Variants in WDR49 observed in about 807,000 individuals in gnomAD.
The protein encoded by WDR49 is cilia- and flagella-associated protein 337.
WDR49 carries 107 observed loss-of-function variants against 119.5 expected under a neutral mutation model. That is an observed-to-expected ratio of 0.90 (90% CI 0.77 to 1.05). The LOEUF (loss-of-function observed/expected upper bound fraction) is 1.05, where lower values mean the gene tolerates loss of function less well. Ranked by LOEUF, WDR49 falls within the 50% of genes least tolerant of loss-of-function variation. WDR49 has a pLI of 0.00. For missense variants in WDR49, 1,240 were observed against 1,220.5 expected (o/e 1.02, Z -0.24); for synonymous variants, 425 against 418.8 (o/e 1.01, Z -0.18).
At chr3:167,497,908 G>A (rs1751419996) in intron 18 of WDR49, among the ~76,000 whole-genome samples, 1 of 142,640 alleles carries the variant, frequency 7.0e-6, no homozygotes, top group Admixed American at 7.2e-5. Context: ...GGCTAGTGCA[G>A]TGGCACAATT....
chr3:167,657,094 C>T (rs1050398959), upstream of WDR49, among the ~76,000 whole-genome samples: 1 of 152,180 alleles, frequency 6.6e-6, no homozygotes, highest in Non-Finnish European at 1.5e-5. Context: ...CTCCTTCCCC[C>T]ACAATTTATT....
At chr3:167,599,834 A>G (rs1399042703) in intron 7 of WDR49, among the ~76,000 whole-genome samples, 3 of 151,976 alleles carry the variant, frequency 2.0e-5, no homozygotes, top group Admixed American at 1.3e-4. Flanking sequence ...CACCACAGAT[A>G]GTAATATTCC....
chr3:167,654,128 CAT>C (rs1337829923), upstream of WDR49: 1 of 152,102 alleles, frequency 6.6e-6, no homozygotes, highest in Non-Finnish European at 1.5e-5. Context: ...TCATTCCACT[CAT>C]TTTTTATTAA....
chr3:167,645,866 T>C (rs1297802412), intron 2 of WDR49, among the ~76,000 whole-genome samples: 1 of 152,182 alleles, frequency 6.6e-6, no homozygotes, highest in Non-Finnish European at 1.5e-5. Context: ...AATCAGAGCA[T>C]CTATGATGAA....
At chr3:167,624,380 C>G (rs949516035) in intron 3 of WDR49, among the ~76,000 whole-genome samples, 2 of 151,214 alleles carry the variant, frequency 1.3e-5, no homozygotes, top group African/African-American at 4.8e-5. Flanking sequence ...GGAGTACACA[C>G]AGTATGGTAC....
At chr3:167,637,996 C>T (rs550154702) in intron 2 of WDR49, among the ~76,000 whole-genome samples, 2 of 151,570 alleles carry the variant, frequency 1.3e-5, no homozygotes, top group Non-Finnish European at 3.0e-5. Flanking sequence ...GATCAATGCT[C>T]TTTGAATATG....
At chr3:167,533,850 T>C (rs1166532378) in intron 11 of WDR49, among the ~76,000 whole-genome samples, 1 of 151,884 alleles carries the variant, frequency 6.6e-6, no homozygotes, top group Non-Finnish European at 1.5e-5. Context: ...CAGAAGAGTT[T>C]GGGTGGGATG....
intron 18 of WDR49, among the ~76,000 whole-genome samples, chr3:167,494,552 T>G (rs11918205): frequency 0.48 from 73,722 of 152,016 alleles, 18,083 homozygotes; most frequent in African/African-American, 0.57. Context: ...CCAAAATAAC[T>G]AAATTCCAGA....
At chr3:167,524,991 T>C (rs1464036649) in intron 15 of WDR49, among the ~76,000 whole-genome samples, 1 of 152,192 alleles carries the variant, frequency 6.6e-6, no homozygotes, top group African/African-American at 2.4e-5. Context: ...ATAAATTACT[T>C]TGGGCAGTAT....
chr3:167,605,860 A>C (rs965889085), intron 5 of WDR49, among the ~76,000 whole-genome samples: 1 of 152,210 alleles, frequency 6.6e-6, no homozygotes, highest in Non-Finnish European at 1.5e-5. Context: ...TGTCAAACTC[A>C]GGTCTGAAGT....
intron 18 of WDR49, among the ~76,000 whole-genome samples, chr3:167,493,263 C>G (rs951463581): frequency 5.3e-5 from 8 of 152,128 alleles, no homozygotes; most frequent in African/African-American, 1.9e-4. Flanking sequence ...TCTCCAGAAC[C>G]CAGAGCTAGC....
intron 18 of WDR49, among the ~76,000 whole-genome samples, chr3:167,484,184 G>T (rs1750832412): frequency 6.6e-6 from 1 of 152,110 alleles, no homozygotes; most frequent in African/African-American, 2.4e-5. Context: ...AAGGGATTTT[G>T]CAAATGTAGT....
At chr3:167,554,926 T>TATTAAA in intron 9 of WDR49, 128 bp from the exon 10 acceptor site, 1 of 652,706 alleles carries the variant, frequency 1.5e-6, no homozygotes, top group Non-Finnish European at 2.5e-6. Flanking sequence ...TTTGCCACTA[T>TATTAAA]ATTACTCTTG....
chr3:167,554,038 G>A (rs1200413685), intron 10 of WDR49, among the ~76,000 whole-genome samples: 1 of 151,886 alleles, frequency 6.6e-6, no homozygotes, highest in Non-Finnish European at 1.5e-5. Context: ...TGAATTAATG[G>A]ACAATATATT....
chr3:167,518,875 A>G (rs1163927189), intron 16 of WDR49, among the ~76,000 whole-genome samples: 4 of 151,714 alleles, frequency 2.6e-5, no homozygotes, highest in Admixed American at 6.6e-5. Context: ...CAACTTATCC[A>G]TCAGACAAAG....
At chr3:167,488,661 C>T (rs1751014285) in intron 18 of WDR49, among the ~76,000 whole-genome samples, 1 of 152,106 alleles carries the variant, frequency 6.6e-6, no homozygotes, top group Admixed American at 6.6e-5. Context: ...TATTTAGAAT[C>T]CTGGACAGTA....
chr3:167,537,351 A>T (rs1425769953), intron 10 of WDR49, among the ~76,000 whole-genome samples: 1 of 152,186 alleles, frequency 6.6e-6, no homozygotes, highest in Non-Finnish European at 1.5e-5. Context: ...TAGCAATAAC[A>T]ATTAAAAGAG....
intron 7 of WDR49, among the ~76,000 whole-genome samples, chr3:167,594,158 T>C (rs1715287788): frequency 6.6e-6 from 1 of 152,038 alleles, no homozygotes; most frequent in Non-Finnish European, 1.5e-5. Context: ...TACCTGGAAA[T>C]GTGGAAGCAA....
rs1246127791 is a variant in WDR49 at position 167,621,537 on chromosome 3, C to T, written c.713G>A (p.Cys238Tyr). ...AAGAGGATCATACCAATAATCCATG[C>T]AAATTGGTGTTCCTTTCAGGCCTTG... ...KLQGLKGTPICMDYWYDPLDA... is the reference protein window; with the variant it reads ...KLQGLKGTPIYMDYWYDPLDA... Residue 238 changes from cysteine (C) to tyrosine (Y), a missense_variant, in exon 4 of 19, where the codon TGC becomes TAC. Cys to Tyr is a radical substitution (Grantham distance 194). Coordinates refer to ENST00000682715, the MANE Select transcript of WDR49 (RefSeq NM_001366157.1). 2 of 1,535,388 alleles carry T rather than the reference C, an allele frequency of 1.3e-6. No individual in the cohort carries two copies. Among genetic ancestry groups the T allele is most frequent in the Non-Finnish European group, 1.7e-6 (2 of 1,146,448 alleles).
Sources: gnomAD v4.1 joint callset for allele counts (sites outside exome capture counted in the v4.1 genomes callset) on GRCh38, gnomAD v4.1.1 for gene constraint, MANE v1.5 for transcripts, NCBI Gene and HGNC (gene_info 2026-07-23, HGNC 2026-07-21) for gene names.